The following RASA2 variants were observed in gnomAD, a reference collection of about 807,000 sequenced individuals.
RASA2 encodes the protein ras GTPase-activating protein 2.
In RASA2, 155 loss-of-function variants were observed where a neutral mutation model predicts 118.2. That is an observed-to-expected ratio of 1.31 (90% CI 1.15 to 1.50). The LOEUF (loss-of-function observed/expected upper bound fraction) is 1.50. Among genes scored for constraint, RASA2 ranks in the 40% most tolerant of loss-of-function variants. The pLI is 0.00. For synonymous variants in RASA2, 353 were observed against 349.1 expected, an observed-to-expected ratio of 1.01 and a Z score of -0.12; for missense variants, 1,016 against 1,009.6, an observed-to-expected ratio of 1.01 and a Z score of -0.09.
At chr3:141,580,898 G>A (rs1464354955) in intron 16 of RASA2, among the ~76,000 whole-genome samples, 1 of 151,618 alleles carries the variant, frequency 6.6e-6, no homozygotes, top group Non-Finnish European at 1.5e-5. Context: ...TAGTAAGGAG[G>A]TGCAGGACAG....
chr3:141,533,403 A>C (rs2082285754), intron 4 of RASA2, among the ~76,000 whole-genome samples: 1 of 152,184 alleles, frequency 6.6e-6, no homozygotes, highest in Admixed American at 6.5e-5. Context: ...TTGTGCCCCA[A>C]ATAATCGCAA....
At chr3:141,606,377 T>C (rs1347107473) in intron 19 of RASA2, among the ~76,000 whole-genome samples, 1 of 152,168 alleles carries the variant, frequency 6.6e-6, no homozygotes, top group Non-Finnish European at 1.5e-5. Flanking sequence ...CTCAGAAAGT[T>C]TTTTCCTAGC....
At chr3:141,498,384 A>G (rs1559989169) in intron 1 of RASA2, among the ~76,000 whole-genome samples, 1 of 152,198 alleles carries the variant, frequency 6.6e-6, no homozygotes. Flanking sequence ...AGAAGTTGAT[A>G]ATTACTCCTA....
chr3:141,560,852 C>T (rs936938038), intron 9 of RASA2, among the ~76,000 whole-genome samples: 4 of 152,068 alleles, frequency 2.6e-5, no homozygotes, highest in Non-Finnish European at 4.4e-5. Flanking sequence ...TTAGGTGTTT[C>T]TTATGGATAT....
intron 19 of RASA2, among the ~76,000 whole-genome samples, chr3:141,587,946 G>A (rs761155872): frequency 6.6e-6 from 1 of 152,070 alleles, no homozygotes; most frequent in Non-Finnish European, 1.5e-5. Flanking sequence ...TTATGTATTT[G>A]TTTACCAGCA....
rs1314118170 is a variant in RASA2 at position 141,613,048 on chromosome 3, C to T, written c.*735C>T. The T allele has an allele frequency of 1.3e-5, 2 of 152,196 alleles. No individual in the cohort carries two copies. Among genetic ancestry groups the T allele is most frequent in the Non-Finnish European group, 2.9e-5 (2 of 68,038 alleles). 9.4% of individuals were successfully genotyped at this position (152,196 alleles called of 1,614,324 possible). On this transcript the variant is annotated 3_prime_UTR_variant, in exon 24 of 24. Coordinates refer to ENST00000286364, the MANE Select transcript of RASA2 (RefSeq NM_006506.5). The stretch of plus-strand genomic sequence containing the variant: ...TTTTCATTGTTTTAAATACCAGGTA[C>T]TCATTTTCTTGATTTGAAAGTTTAA...
At chr3:141,609,254 C>G (rs1402809673) in intron 21 of RASA2, among the ~76,000 whole-genome samples, 166 bp from the exon 22 acceptor site, 1 of 152,180 alleles carries the variant, frequency 6.6e-6, no homozygotes, top group Non-Finnish European at 1.5e-5. Context: ...ACAACCAAAA[C>G]TCTCCTTGGC....
intron 2 of RASA2, among the ~76,000 whole-genome samples, chr3:141,515,493 G>A (rs1474439608): frequency 6.6e-6 from 1 of 152,140 alleles, no homozygotes; most frequent in Non-Finnish European, 1.5e-5. Context: ...TCCCTTCAGT[G>A]TTCAGCTTGG....
chr3:141,499,265 A>G (rs2081744878), intron 1 of RASA2, among the ~76,000 whole-genome samples: 1 of 152,058 alleles, frequency 6.6e-6, no homozygotes, highest in South Asian at 2.1e-4. Flanking sequence ...GTTTACTTTG[A>G]CTTTGTCTTG....
At chr3:141,543,649 T>A (rs2082437409) in intron 5 of RASA2, among the ~76,000 whole-genome samples, 1 of 152,108 alleles carries the variant, frequency 6.6e-6, no homozygotes, top group African/African-American at 2.4e-5. Flanking sequence ...TCCTCTTCAT[T>A]TGTAAAAGAT....
chr3:141,592,928 T>C (rs1018276524), intron 19 of RASA2, among the ~76,000 whole-genome samples: 2 of 147,326 alleles, frequency 1.4e-5, no homozygotes, highest in Non-Finnish European at 3.0e-5. Flanking sequence ...AGAGTCCTGG[T>C]AGTGGTAGAG....
chr3:141,542,334 C>A (rs554367665), intron 5 of RASA2, among the ~76,000 whole-genome samples: 1 of 152,236 alleles, frequency 6.6e-6, no homozygotes, highest in South Asian at 2.1e-4. Flanking sequence ...TTTTGAGATT[C>A]ATCCACACTG....
At chr3:141,607,498 A>C (rs2083565905) in intron 19 of RASA2, among the ~76,000 whole-genome samples, 180 bp from the exon 20 acceptor site, 1 of 152,192 alleles carries the variant, frequency 6.6e-6, no homozygotes, top group South Asian at 2.1e-4. Flanking sequence ...TTAGAAGACA[A>C]TCAAAATTCA....
rs1046722490 is a variant in RASA2 at position 141,534,716 on chromosome 3, A to G, written c.450+4914A>G. Among the ~76,000 whole-genome samples the G allele has an allele frequency of 4.6e-5, 7 of 152,286 alleles. No homozygotes were observed. In the East Asian group the frequency reaches 1.3e-3, roughly 29 times the overall value. On this transcript the variant is annotated intron_variant, in intron 4 of 23. Coordinates refer to ENST00000286364, the MANE Select transcript of RASA2 (RefSeq NM_006506.5). ...ACATGCCCTATTCAAGACATAACAA[A>G]TGTAAAAACATAATTCATTATTGCA...
intron 1 of RASA2, among the ~76,000 whole-genome samples, chr3:141,488,143 C>G (rs2081601079): frequency 6.6e-6 from 1 of 152,034 alleles, no homozygotes. Context: ...GTTTTAAAAA[C>G]GACCCTTTGG....
intron 19 of RASA2, among the ~76,000 whole-genome samples, chr3:141,602,646 ATC>A (rs757741738): frequency 7.9e-5 from 12 of 152,202 alleles, no homozygotes; most frequent in Non-Finnish European, 1.2e-4. Context: ...CTTACAGTGT[ATC>A]TCTCTGTTCA....
At chr3:141,524,261 G>A (rs1343958045) in intron 3 of RASA2, among the ~76,000 whole-genome samples, 1 of 152,090 alleles carries the variant, frequency 6.6e-6, no homozygotes, top group African/African-American at 2.4e-5. Context: ...CTCACCACAT[G>A]GTCTCCTGAT....
At chr3:141,588,040 A>G (rs1354687510) in intron 19 of RASA2, among the ~76,000 whole-genome samples, 1 of 152,174 alleles carries the variant, frequency 6.6e-6, no homozygotes. Flanking sequence ...TATACCCATA[A>G]TGCATCAGTT....
At chr3:141,593,136 C>T (rs749674801) in intron 19 of RASA2, among the ~76,000 whole-genome samples, 2 of 152,146 alleles carry the variant, frequency 1.3e-5, no homozygotes, top group Non-Finnish European at 2.9e-5. Flanking sequence ...CAACCTCCAC[C>T]TCCCAGGTTT....
Sources: allele counts gnomAD v4.1 joint callset (sites outside exome capture counted in the v4.1 genomes callset), GRCh38; gene constraint gnomAD v4.1.1; transcripts MANE v1.5; gene names NCBI Gene and HGNC (gene_info 2026-07-23, HGNC 2026-07-21).